Variants in RGMA observed in about 807,000 individuals in gnomAD.
The protein encoded by RGMA is repulsive guidance molecule BMP co-receptor a, also known as repulsive guidance molecule A.
RGMA carries 10 observed loss-of-function variants against 23.2 expected under a neutral mutation model. The ratio of observed to expected loss-of-function variants is 0.43; its 90% CI spans 0.27 to 0.73. The LOEUF (loss-of-function observed/expected upper bound fraction) is 0.73. Among genes scored for constraint, RGMA ranks in the 30% least tolerant of loss-of-function variants. RGMA has a pLI of 0.20. For synonymous variants in RGMA, 308 were observed against 279.3 expected, an observed-to-expected ratio of 1.10 and a Z score of -1.03; for missense variants, 547 against 630.5, an observed-to-expected ratio of 0.87 and a Z score of 1.42.
rs1895692138 is a variant in RGMA, at chr15:93,089,106, A to G, written c.-174T>C. The G allele has an allele frequency of 2.8e-6, 1 of 359,832 alleles. No individual in the cohort carries two copies. The allele number at this position is 359,832 out of a possible 1,614,324, so 22.3% of individuals were successfully genotyped here. On this transcript the variant is annotated 5_prime_UTR_variant, in exon 1 of 4. The change abolishes an upstream ATG in the 5' untranslated region. Coordinates refer to ENST00000329082, the MANE Select transcript of RGMA (RefSeq NM_020211.3). The stretch of plus-strand genomic sequence containing the variant: ...GGAGCGCCTCCTGCTCCCGGGCTGC[A>G]TGCCTGCGAGCGCCTGGCGGAGCCG...
intron 1 of RGMA, chr15:93,073,889 A>T (rs942444633): frequency 8.9e-6 from 13 of 1,460,920 alleles, no homozygotes; most frequent in Non-Finnish European, 1.2e-5. Flanking sequence ...CTGCCACTCC[A>T]GAGAGATGGC....
At chr15:93,067,674 G>A (rs1330572286) in intron 2 of RGMA, among the ~76,000 whole-genome samples, 1 of 152,030 alleles carries the variant, frequency 6.6e-6, no homozygotes, top group Non-Finnish European at 1.5e-5. Context: ...TGGTATATGG[G>A]GAGGCAAGCA....
intron 1 of RGMA, 141 bp from the exon 2 acceptor site, chr15:93,073,172 C>G: frequency 8.1e-7 from 1 of 1,238,628 alleles, no homozygotes; most frequent in Non-Finnish European, 1.0e-6. Flanking sequence ...CCTTCCCGCG[C>G]CGCCCCCCGC....
chr15:93,039,703 T>C lies in RGMA; in HGVS notation c.*5295A>G, dbSNP rs576568064. The C allele has an allele frequency of 2.0e-5, 3 of 152,242 alleles. No homozygotes were observed. Among genetic ancestry groups the C allele is most frequent in the African/African-American group, 7.2e-5 (3 of 41,448 alleles). 9.4% of individuals were successfully genotyped at this position (152,242 alleles called of 1,614,324 possible). A position where few individuals can be genotyped will look rare whatever the true frequency, so the allele number is the denominator to read the frequency against. The stretch of plus-strand genomic sequence containing the variant: ...GAATGATGGTTTCCAGCTTCATCCA[T>C]GTCCCTGCAAAGGACATGAACTCAT... On this transcript the variant is annotated 3_prime_UTR_variant, in exon 4 of 4. Transcript: ENST00000329082.
intron 2 of RGMA, among the ~76,000 whole-genome samples, chr15:93,057,514 T>C (rs1377429849): frequency 6.6e-6 from 1 of 152,166 alleles, no homozygotes; most frequent in Non-Finnish European, 1.5e-5. Flanking sequence ...TGGGCCATGC[T>C]GGTACCGGAT....
intron 2 of RGMA, among the ~76,000 whole-genome samples, chr15:93,064,225 A>G (rs1353786888): frequency 6.6e-6 from 1 of 152,236 alleles, no homozygotes; most frequent in Non-Finnish European, 1.5e-5. Context: ...AGGGCTGGAC[A>G]CAGGATTCCA....
chr15:93,075,304 A>T (rs1895454749), intron 1 of RGMA, among the ~76,000 whole-genome samples: 2 of 152,202 alleles, frequency 1.3e-5, no homozygotes. Context: ...AGCTATTTTA[A>T]GTATTGTTAA....
intron 3 of RGMA, among the ~76,000 whole-genome samples, chr15:93,050,193 CT>C (rs1395666061): frequency 3.9e-5 from 6 of 152,178 alleles, no homozygotes; most frequent in Non-Finnish European, 8.8e-5. Context: ...CTGGGAGCTT[CT>C]GGGAGGGAGG....
intron 1 of RGMA, among the ~76,000 whole-genome samples, chr15:93,078,366 G>A (rs1895506692): frequency 6.6e-6 from 1 of 152,212 alleles, no homozygotes; most frequent in South Asian, 2.1e-4. Flanking sequence ...AACATTTCTT[G>A]AGTAACCACC....
chr15:93,073,492 C>A (rs1468998458), intron 1 of RGMA: 15 of 1,255,696 alleles, frequency 1.2e-5, no homozygotes, highest in Admixed American at 7.3e-5. Context: ...GGGCAGGACG[C>A]CCCCTTAATC....
intron 1 of RGMA, among the ~76,000 whole-genome samples, chr15:93,085,365 G>T (rs1304812510): frequency 1.3e-5 from 2 of 152,178 alleles, no homozygotes; most frequent in East Asian, 3.8e-4. Flanking sequence ...AGAACCTATG[G>T]GAATTGGCCT....
At chr15:93,058,609 A>T (rs56115812) in intron 2 of RGMA, among the ~76,000 whole-genome samples, 14,547 of 152,246 alleles carry the variant, frequency 0.096, 806 homozygotes, top group Middle Eastern at 0.22. Context: ...TAGACCCAGG[A>T]CTGACTTGTT....
intron 1 of RGMA, among the ~76,000 whole-genome samples, chr15:93,080,649 GC>G (rs1189117277): frequency 6.6e-6 from 1 of 152,154 alleles, no homozygotes; most frequent in Non-Finnish European, 1.5e-5. Flanking sequence ...GACCTCTGCT[GC>G]CCCAGGCTCA....
chr15:93,053,988 G>C (rs1318333257), intron 2 of RGMA, among the ~76,000 whole-genome samples: 1 of 152,114 alleles, frequency 6.6e-6, no homozygotes, highest in Non-Finnish European at 1.5e-5. Flanking sequence ...AGCACTTTTT[G>C]GGAGGCCGAG....
intron 1 of RGMA, among the ~76,000 whole-genome samples, chr15:93,086,584 T>A (rs992553487): frequency 6.6e-6 from 1 of 152,168 alleles, no homozygotes; most frequent in South Asian, 2.1e-4. Flanking sequence ...TTTCTGGCCA[T>A]CAGTTTCTTC....
At chr15:93,084,794 C>T (rs995633420) in intron 1 of RGMA, among the ~76,000 whole-genome samples, 1 of 152,108 alleles carries the variant, frequency 6.6e-6, no homozygotes, top group African/African-American at 2.4e-5. Context: ...TTTGAATAGA[C>T]AATCTGGAGA....
intron 2 of RGMA, among the ~76,000 whole-genome samples, chr15:93,063,658 T>C (rs1895045487): frequency 6.6e-6 from 1 of 152,216 alleles, no homozygotes; most frequent in Non-Finnish European, 1.5e-5. Context: ...AGCCAGAATG[T>C]GTCACCTTTT....
chr15:93,085,923 G>T (rs1462818595), intron 1 of RGMA, among the ~76,000 whole-genome samples: 1 of 152,188 alleles, frequency 6.6e-6, no homozygotes, highest in South Asian at 2.1e-4. Flanking sequence ...GGCCTTGTAT[G>T]CATACTTGGG....
chr15:93,061,105 G>A (rs1440637903), intron 2 of RGMA, among the ~76,000 whole-genome samples: 2 of 152,184 alleles, frequency 1.3e-5, no homozygotes, highest in East Asian at 3.9e-4. Flanking sequence ...CTGAGGGTTG[G>A]GGACCCCCAT....
Sources: allele counts gnomAD v4.1 joint callset (sites outside exome capture counted in the v4.1 genomes callset), GRCh38; gene constraint gnomAD v4.1.1; transcripts MANE v1.5; gene names NCBI Gene and HGNC (gene_info 2026-07-23, HGNC 2026-07-21).